The following PKIG variants were observed in gnomAD, a reference collection of about 807,000 sequenced individuals.
PKIG encodes the protein protein kinase (cAMP-dependent, catalytic) inhibitor gamma.
Under a neutral mutation model 6.8 loss-of-function variants are expected in PKIG, and 1 was observed. The observed-to-expected ratio is 0.15, with a 90% CI of 0.05 to 0.69. PKIG has a LOEUF of 0.69. PKIG is among the 30% of genes least tolerant of loss of function. The pLI, the probability that PKIG is intolerant of heterozygous loss-of-function variation, is 0.82. For synonymous variants in PKIG, 39 were observed against 43.0 expected (o/e 0.91, Z 0.36); for missense variants, 77 against 104.0 (o/e 0.74, Z 1.13).
At chr20:44,613,914 T>TC (rs1441011742) in intron 2 of PKIG, among the ~76,000 whole-genome samples, 8 of 152,210 alleles carry the variant, frequency 5.3e-5, no homozygotes, top group Non-Finnish European at 1.2e-4. Flanking sequence ...TCTGCCATGC[T>TC]CCCGCCTGCT....
intron 2 of PKIG, among the ~76,000 whole-genome samples, chr20:44,610,164 G>A (rs2123462036): frequency 6.6e-6 from 1 of 152,272 alleles, no homozygotes; most frequent in Admixed American, 6.5e-5. Flanking sequence ...GGCAGGGTGC[G>A]CCATCTGCTG....
At chr20:44,547,808 G>A (rs186405345) in intron 1 of PKIG, among the ~76,000 whole-genome samples, 7 of 152,254 alleles carry the variant, frequency 4.6e-5, no homozygotes, top group South Asian at 2.1e-4. Context: ...GCCAAGGTGG[G>A]CGGATCATTT....
At chr20:44,556,322 A>G (rs1257662846) in intron 1 of PKIG, among the ~76,000 whole-genome samples, 1 of 152,188 alleles carries the variant, frequency 6.6e-6, no homozygotes, top group African/African-American at 2.4e-5. Flanking sequence ...ATTATTAGCC[A>G]TAATAGTGTC....
At chr20:44,551,682 T>C (rs1304261617) in intron 1 of PKIG, among the ~76,000 whole-genome samples, 1 of 152,218 alleles carries the variant, frequency 6.6e-6, no homozygotes, top group East Asian at 1.9e-4. Context: ...TCTAGCCAGC[T>C]GTGCCTGTTG....
In PKIG at chr20:44,551,212, C is replaced by T. The variant is rs556793027; in HGVS notation, c.-241+19234C>T. On this transcript the variant is annotated intron_variant, in intron 1 of 4. Transcript: ENST00000372887. ...GGGACTACAGGCACACGCCGCCACGCCTGGCTAATTTTTTTGTATTTTTAG... is the reference window on the plus strand; with the variant it reads ...GGGACTACAGGCACACGCCGCCACGTCTGGCTAATTTTTTTGTATTTTTAG... Among the ~76,000 whole-genome samples the T allele has an allele frequency of 2.0e-5, 3 of 152,218 alleles. 1 individual carries two copies. The highest frequency in any genetic ancestry group is 7.2e-5 in the African/African-American group (3 of 41,550).
chr20:44,611,503 C>T (rs1398655717), intron 2 of PKIG, among the ~76,000 whole-genome samples: 1 of 151,380 alleles, frequency 6.6e-6, no homozygotes, highest in African/African-American at 2.4e-5. Context: ...CTGTTGTATT[C>T]TCTCCTTCTA....
At chr20:44,576,366 A>G (rs1473982565) in intron 1 of PKIG, among the ~76,000 whole-genome samples, 1 of 152,110 alleles carries the variant, frequency 6.6e-6, no homozygotes, top group Non-Finnish European at 1.5e-5. Flanking sequence ...AAGGGTTATA[A>G]GAAGAGACAT....
intron 1 of PKIG, among the ~76,000 whole-genome samples, chr20:44,544,992 G>C: frequency 7.6e-6 from 1 of 132,272 alleles, no homozygotes; most frequent in Non-Finnish European, 1.5e-5. Flanking sequence ...CTGGAGTACG[G>C]TGGCACAATC....
At chr20:44,603,455 A>C (rs1273696823) in intron 2 of PKIG, among the ~76,000 whole-genome samples, 1 of 152,054 alleles carries the variant, frequency 6.6e-6, no homozygotes, top group Non-Finnish European at 1.5e-5. Flanking sequence ...ACAGCTGGTA[A>C]ACAACAAAGC....
intron 3 of PKIG, among the ~76,000 whole-genome samples, chr20:44,617,078 G>A (rs911793678): frequency 6.6e-6 from 1 of 152,164 alleles, no homozygotes; most frequent in East Asian, 1.9e-4. Context: ...GCTGGGCCTC[G>A]GTTTTCTCAT....
intron 1 of PKIG, among the ~76,000 whole-genome samples, chr20:44,584,330 C>T (rs532277792): frequency 1.3e-5 from 2 of 151,348 alleles, no homozygotes; most frequent in African/African-American, 4.8e-5. Flanking sequence ...ACAAAGGAGA[C>T]ACAACTTAAT....
intron 1 of PKIG, among the ~76,000 whole-genome samples, chr20:44,550,952 TTTTGC>T (rs1405604243): frequency 6.6e-6 from 1 of 152,188 alleles, no homozygotes; most frequent in African/African-American, 2.4e-5. Flanking sequence ...ATTGTTAACA[TTTTGC>T]TGCATATAGT....
chr20:44,585,092 T>C (rs2064979212), intron 1 of PKIG: 1 of 152,382 alleles, frequency 6.6e-6, no homozygotes, highest in Non-Finnish European at 1.5e-5. Flanking sequence ...GGCATCCTTT[T>C]TCCTAAGGTG....
At chr20:44,574,332 C>T (rs958397093) in intron 1 of PKIG, among the ~76,000 whole-genome samples, 1 of 151,584 alleles carries the variant, frequency 6.6e-6, no homozygotes, top group African/African-American at 2.4e-5. Context: ...AAATAATATG[C>T]TTATCGAGAT....
chr20:44,580,012 C>T (rs1023260450), upstream of PKIG, among the ~76,000 whole-genome samples: 17 of 152,184 alleles, frequency 1.1e-4, no homozygotes, highest in South Asian at 1.7e-3. Flanking sequence ...CATTACTCAT[C>T]GTGACATTCT....
At chr20:44,549,879 A>T (rs1339930426) in intron 1 of PKIG, among the ~76,000 whole-genome samples, 1 of 152,084 alleles carries the variant, frequency 6.6e-6, no homozygotes, top group African/African-American at 2.4e-5. Context: ...GGATTTTTGT[A>T]ATTATAGGAA....
rs543135117 is a variant in PKIG, at chr20:44,577,014, A to G, written c.-240-5571A>G. On this transcript the variant is annotated intron_variant, in intron 1 of 4. Coordinates refer to the PKIG transcript ENST00000372887. Reference sequence around the variant, plus strand: ...CCACGTGTACTCCAAAACCAAAAAAATACGTTGAGCAATGTCTTAGTCATC... The same window carrying G: ...CCACGTGTACTCCAAAACCAAAAAAGTACGTTGAGCAATGTCTTAGTCATC... Among the ~76,000 whole-genome samples, 66 of 152,314 alleles carry G rather than the reference A, an allele frequency of 4.3e-4. No homozygotes were observed. The Middle Eastern group carries it at 0.014, about 31-fold the overall frequency.
chr20:44,550,573 A>T (rs902820460), intron 1 of PKIG, among the ~76,000 whole-genome samples: 2 of 152,204 alleles, frequency 1.3e-5, no homozygotes, highest in African/African-American at 4.8e-5. Flanking sequence ...AGGAATGAGC[A>T]GGAGGAGTGT....
Position 44,532,818 on chromosome 20 carries a change from G to A in PKIG, c.-241+840G>A, listed in dbSNP as rs748333843. Among the ~76,000 whole-genome samples the A allele has an allele frequency of 1.9e-4, 29 of 152,170 alleles. 1 individual carries two copies. The highest frequency in any genetic ancestry group is 7.9e-4 in the Admixed American group (12 of 15,260). ...GTGTACCTTGCTGTGGGTAGATAAA[G>A]CAGGTAGAGAAAGTAGGTAGAGAAA... On this transcript the variant is annotated intron_variant, in intron 1 of 4. Transcript: ENST00000372887.
Sources: allele counts gnomAD v4.1 joint callset (sites outside exome capture counted in the v4.1 genomes callset), GRCh38; gene constraint gnomAD v4.1.1; transcripts MANE v1.5; gene names NCBI Gene and HGNC (gene_info 2026-07-23, HGNC 2026-07-21).